The following CUL3 variants were observed in gnomAD, a reference collection of about 807,000 sequenced individuals.
CUL3 encodes the protein cullin 3, also known as cullin-3.
In CUL3, 19 loss-of-function variants were observed where a neutral mutation model predicts 89.1. That is an observed-to-expected ratio of 0.21 (90% CI 0.15 to 0.31). The LOEUF (loss-of-function observed/expected upper bound fraction) is 0.31, where lower values mean the gene tolerates loss of function less well. Ranked by LOEUF, CUL3 falls within the 10% of genes least tolerant of loss-of-function variation. The pLI, the probability that CUL3 is intolerant of heterozygous loss-of-function variation, is 1.00. For synonymous variants in CUL3, 351 were observed against 308.4 expected, an observed-to-expected ratio of 1.14 and a Z score of -1.45; for missense variants, 469 against 942.3, an observed-to-expected ratio of 0.50 and a Z score of 6.58.
chr2:224,584,629 G>C (rs1250889708), intron 1 of CUL3, among the ~76,000 whole-genome samples: 1 of 151,726 alleles, frequency 6.6e-6, no homozygotes, highest in Non-Finnish European at 1.5e-5. Flanking sequence ...CTACAACCCC[G>C]GCAACGTGGG....
At position 224,547,775 on chromosome 2, in the gene CUL3, GATTA is replaced by G. The variant is rs562490549; in HGVS notation, c.264+9880_264+9883del. Among the ~76,000 whole-genome samples, 373 of 151,886 alleles carry G rather than the reference GATTA, an allele frequency of 2.5e-3. 3 individuals are homozygous for G. The highest frequency in any genetic ancestry group is 0.02 in the East Asian group (106 of 5,172). Reference sequence around the variant, plus strand: ...ACATTAATTTTAATGTTTTCCATTAGATTAATTAATATTTGCCTAGAAAGGGAAA... The same window carrying G: ...ACATTAATTTTAATGTTTTCCATTAGATTAATATTTGCCTAGAAAGGGAAA... On this transcript the variant is annotated intron_variant, in intron 2 of 15. Coordinates refer to ENST00000264414, the MANE Select transcript of CUL3 (RefSeq NM_003590.5).
intron 1 of CUL3, among the ~76,000 whole-genome samples, chr2:224,573,707 TTCAG>T (rs1172847686): frequency 1.3e-5 from 2 of 152,186 alleles, no homozygotes; most frequent in African/African-American, 4.8e-5. Context: ...ACATGAACTT[TTCAG>T]TCAGACATAC....
At position 224,474,641 on chromosome 2, in the gene CUL3, C is replaced by T. The variant is rs1042434521; in HGVS notation, c.2176-265G>A. 7 of 342,796 alleles carry T rather than the reference C, an allele frequency of 2.0e-5. No individual in the cohort carries two copies. The East Asian group carries it at 3.7e-4, about 18-fold the overall frequency. The allele number at this position is 342,796 out of a possible 1,614,324, so 21.2% of individuals were successfully genotyped here. ...GGAATTACAGTAGTGTGAGCATATGCCACCTATAGTTTAACCGTTTTGATG... is the reference window on the plus strand; with the variant it reads ...GGAATTACAGTAGTGTGAGCATATGTCACCTATAGTTTAACCGTTTTGATG... On this transcript the variant is annotated intron_variant, in intron 15 of 15. Transcript: ENST00000264414.
chr2:224,539,133 A>C (rs1159931210), intron 2 of CUL3, among the ~76,000 whole-genome samples: 2 of 152,246 alleles, frequency 1.3e-5, no homozygotes, highest in Non-Finnish European at 2.9e-5. Context: ...CTTAGAAAGT[A>C]ACTCAATTTT....
At chr2:224,536,876 G>A (rs545835770) in intron 2 of CUL3, among the ~76,000 whole-genome samples, 19 of 152,280 alleles carry the variant, frequency 1.2e-4, no homozygotes, top group East Asian at 7.7e-4. Flanking sequence ...CAAAGTCGTC[G>A]TGTGTTTGTC....
At chr2:224,584,914 C>G (rs79335494) in intron 1 of CUL3, 30 bp downstream of exon 1, 17 of 1,447,292 alleles carry the variant, frequency 1.2e-5, no homozygotes, top group Non-Finnish European at 1.6e-5. Flanking sequence ...CCCCCGGCCC[C>G]GGGGTCCCGG....
At chr2:224,512,810 A>G (rs886607177) in intron 5 of CUL3, among the ~76,000 whole-genome samples, 1 of 152,226 alleles carries the variant, frequency 6.6e-6, no homozygotes, top group African/African-American at 2.4e-5. Flanking sequence ...ATAATTTATA[A>G]TATTAGATAT....
chr2:224,551,058 T>C (rs1191293048), intron 2 of CUL3, among the ~76,000 whole-genome samples: 1 of 151,736 alleles, frequency 6.6e-6, no homozygotes, highest in African/African-American at 2.4e-5. Context: ...TGGCAAAGAA[T>C]AGCCTCCAGC....
At chr2:224,528,963 A>G (rs1013476396) in intron 3 of CUL3, among the ~76,000 whole-genome samples, 2 of 152,202 alleles carry the variant, frequency 1.3e-5, no homozygotes, top group African/African-American at 4.8e-5. Flanking sequence ...AATTCTCCAT[A>G]AAGTTTTGCA....
intron 1 of CUL3, among the ~76,000 whole-genome samples, chr2:224,566,299 T>C (rs961527694): frequency 1.3e-5 from 2 of 152,216 alleles, no homozygotes; most frequent in East Asian, 3.8e-4. Context: ...CCAGGCCTTT[T>C]TGAACAACCA....
intron 7 of CUL3, among the ~76,000 whole-genome samples, chr2:224,506,358 A>T (rs907797251): frequency 6.6e-6 from 1 of 152,298 alleles, no homozygotes; most frequent in East Asian, 1.9e-4. Context: ...AATGCAAACG[A>T]ACCAAAGAAC....
chr2:224,547,759 T>G (rs1003379342), intron 2 of CUL3, among the ~76,000 whole-genome samples: 10 of 152,068 alleles, frequency 6.6e-5, no homozygotes, highest in African/African-American at 2.4e-4. Context: ...AACATTAATT[T>G]TAATGTTTTC....
At chr2:224,506,282 A>G (rs1047147313) in intron 7 of CUL3, 150 bp from the exon 8 acceptor site, 7 of 563,106 alleles carry the variant, frequency 1.2e-5, no homozygotes, top group Admixed American at 3.6e-5. Context: ...TTTCAAGCCT[A>G]TATCTAAGCC....
chr2:224,584,029 A>C (rs1179879511), intron 1 of CUL3, among the ~76,000 whole-genome samples: 1 of 152,224 alleles, frequency 6.6e-6, no homozygotes, highest in Non-Finnish European at 1.5e-5. Context: ...CAGTTCGTTA[A>C]CAGTACATTT....
chr2:224,548,910 G>C (rs1035524508), intron 2 of CUL3, among the ~76,000 whole-genome samples: 4 of 152,090 alleles, frequency 2.6e-5, no homozygotes, highest in African/African-American at 9.7e-5. Context: ...GCTGAAGTGA[G>C]AGAATCACCA....
chr2:224,538,722 G>C (rs1693982325), intron 2 of CUL3, among the ~76,000 whole-genome samples: 2 of 152,214 alleles, frequency 1.3e-5, no homozygotes, highest in African/African-American at 4.8e-5. Flanking sequence ...ATTGAGAGCA[G>C]GATGGGACCA....
intron 13 of CUL3, among the ~76,000 whole-genome samples, chr2:224,486,070 C>T (rs1294346503): frequency 1.3e-5 from 2 of 152,230 alleles, no homozygotes; most frequent in Non-Finnish European, 2.9e-5. Flanking sequence ...CATTCAACAT[C>T]AACGAAAAGA....
intron 13 of CUL3, among the ~76,000 whole-genome samples, chr2:224,488,366 A>T (rs1691821155): frequency 6.6e-6 from 1 of 152,138 alleles, no homozygotes; most frequent in Non-Finnish European, 1.5e-5. Flanking sequence ...AATAGATAAG[A>T]CTGCTAACCA....
chr2:224,494,680 AC>A (rs1171989321), intron 13 of CUL3, among the ~76,000 whole-genome samples: 6 of 152,220 alleles, frequency 3.9e-5, no homozygotes, highest in Admixed American at 2.6e-4. Flanking sequence ...TGATGCTGGA[AC>A]AAACAACTGA....
Sources: allele counts gnomAD v4.1 joint callset (sites outside exome capture counted in the v4.1 genomes callset), GRCh38; gene constraint gnomAD v4.1.1; transcripts MANE v1.5; gene names NCBI Gene and HGNC (gene_info 2026-07-23, HGNC 2026-07-21).